The following SLC8A1 variants were observed in gnomAD, a reference collection of about 807,000 sequenced individuals.
The protein encoded by SLC8A1 is sodium/calcium exchanger 1.
SLC8A1 carries 18 observed loss-of-function variants against 68.3 expected under a neutral mutation model. The observed-to-expected ratio is 0.26, with a 90% CI of 0.18 to 0.39. The LOEUF (loss-of-function observed/expected upper bound fraction) is 0.39. Among genes scored for constraint, SLC8A1 ranks in the 10% least tolerant of loss-of-function variants. The probability of loss-of-function intolerance (pLI) is 1.00; values close to 1 mark genes in which losing one functional copy is unlikely to be tolerated. For synonymous variants in SLC8A1, 475 were observed against 415.5 expected (o/e 1.14, Z -1.74); for missense variants, 985 against 1,156.7 (o/e 0.85, Z 2.15).
chr2:40,466,294 CA>C (rs1223055556), intron 1 of SLC8A1, among the ~76,000 whole-genome samples: 2 of 152,036 alleles, frequency 1.3e-5, no homozygotes, highest in African/African-American at 4.8e-5. Flanking sequence ...AGGACTAAGT[CA>C]ATTTCAAAAA....
intron 2 of SLC8A1, among the ~76,000 whole-genome samples, chr2:40,323,886 T>A (rs2075503850): frequency 6.6e-6 from 1 of 152,096 alleles, no homozygotes; most frequent in African/African-American, 2.4e-5. Flanking sequence ...GAGAAAGGTG[T>A]TTCAGGAGTT....
intron 2 of SLC8A1, among the ~76,000 whole-genome samples, chr2:40,225,731 G>A (rs931362133): frequency 2.0e-5 from 3 of 152,158 alleles, no homozygotes; most frequent in Admixed American, 6.5e-5. Context: ...GGCTGATGGA[G>A]ACAGATGGGG....
chr2:40,331,136 T>C, intron 2 of SLC8A1, among the ~76,000 whole-genome samples: 1 of 152,204 alleles, frequency 6.6e-6, no homozygotes, highest in East Asian at 1.9e-4. Context: ...GGTGATATTA[T>C]CTATGGTATG....
intron 2 of SLC8A1, among the ~76,000 whole-genome samples, chr2:40,294,910 T>C (rs960267362): frequency 5.3e-5 from 8 of 152,254 alleles, no homozygotes; most frequent in African/African-American, 9.6e-5. Flanking sequence ...ATGTAGCACA[T>C]ATAAAGTTCT....
intron 2 of SLC8A1, among the ~76,000 whole-genome samples, chr2:40,258,698 C>G (rs1196985858): frequency 6.6e-6 from 1 of 151,980 alleles, no homozygotes; most frequent in Non-Finnish European, 1.5e-5. Flanking sequence ...AAAAATTAGC[C>G]AGGTGTGGCG....
At chr2:40,266,346 A>G (rs148084584) in intron 2 of SLC8A1, among the ~76,000 whole-genome samples, 10 of 152,264 alleles carry the variant, frequency 6.6e-5, no homozygotes, top group Admixed American at 6.5e-4. Context: ...TTTTATGACT[A>G]GCTATATCAC....
intron 2 of SLC8A1, among the ~76,000 whole-genome samples, chr2:40,364,477 A>G (rs974333629): frequency 7.4e-5 from 11 of 148,922 alleles, no homozygotes; most frequent in Non-Finnish European, 1.5e-4. Context: ...GAAGATTTCT[A>G]TGAAAACTTT....
intron 2 of SLC8A1, among the ~76,000 whole-genome samples, chr2:40,278,034 A>G (rs1447610393): frequency 6.6e-6 from 1 of 152,068 alleles, no homozygotes; most frequent in Non-Finnish European, 1.5e-5. Flanking sequence ...ATCTGTAGGT[A>G]TCTCAGTATT....
At chr2:40,336,348 G>A (rs1436489226) in intron 2 of SLC8A1, among the ~76,000 whole-genome samples, 2 of 152,102 alleles carry the variant, frequency 1.3e-5, no homozygotes, top group Admixed American at 6.6e-5. Flanking sequence ...AATGAATAAG[G>A]ATTTAACCAA....
chr2:40,327,832 T>C (rs2076008748), intron 2 of SLC8A1, among the ~76,000 whole-genome samples: 2 of 152,048 alleles, frequency 1.3e-5, no homozygotes, highest in Non-Finnish European at 2.9e-5. Flanking sequence ...GGATCAGTCA[T>C]ACCCCAAACC....
At position 40,268,540 on chromosome 2, in the gene SLC8A1, T is replaced by C. The variant is rs1574935939; in HGVS notation, c.1809-90685A>G. Among the ~76,000 whole-genome samples the C allele has an allele frequency of 3.9e-5, 6 of 152,196 alleles. No individual in the cohort carries two copies. The East Asian group carries it at 9.6e-4, about 24-fold the overall frequency. On this transcript the variant is annotated intron_variant, in intron 2 of 7. Transcript: ENST00000406785. ...CCTTGGTACCCCCCATTAATGTTAA[T>C]AGGAATCATGTGGATAATTCTCTAT...
intron 2 of SLC8A1, among the ~76,000 whole-genome samples, chr2:40,281,832 A>G (rs1200279493): frequency 6.6e-6 from 1 of 152,122 alleles, no homozygotes; most frequent in East Asian, 1.9e-4. Context: ...ATAAAGGTAA[A>G]TGTTCCCTGA....
At chr2:40,458,836 T>C (rs755735672) in intron 1 of SLC8A1, among the ~76,000 whole-genome samples, 10 of 152,234 alleles carry the variant, frequency 6.6e-5, no homozygotes, top group Non-Finnish European at 1.2e-4. Flanking sequence ...ATGGGGTTTA[T>C]AAGCATTATT....
exon 8 of SLC8A1, chr2:40,103,955 A>G (rs771281416): frequency 6.6e-6 from 1 of 152,242 alleles, no homozygotes; most frequent in Non-Finnish European, 1.5e-5. Context: ...AACACTGACC[A>G]TACGGGGCTT....
intron 1 of SLC8A1, among the ~76,000 whole-genome samples, chr2:40,511,393 T>G (rs1039564379): frequency 1.3e-5 from 2 of 152,206 alleles, no homozygotes; most frequent in Admixed American, 6.6e-5. Flanking sequence ...TGCTAACAAT[T>G]TTAACAGATA....
At position 40,365,002 on chromosome 2, in the gene SLC8A1, T is replaced by G. The variant is rs866665749; in HGVS notation, c.1808+63471A>C. Among the ~76,000 whole-genome samples, 45 of 152,190 alleles carry G rather than the reference T, an allele frequency of 3.0e-4. 1 individual carries two copies. Among genetic ancestry groups the G allele is most frequent in the Admixed American group, 1.2e-3 (19 of 15,246 alleles). On this transcript the variant is annotated intron_variant, in intron 2 of 7. Coordinates refer to ENST00000406785, the Ensembl canonical transcript of SLC8A1. ...CTAATCAAGAAATCAAGTAAAGAAC[T>G]GAGTTATTTTATGGTATTATTGTAT...
Position 40,472,670 on chromosome 2 carries a change from A to C in SLC8A1, c.-25+39679T>G, listed in dbSNP as rs116490589. 5.4e-3 allele frequency among the ~76,000 whole-genome samples: 817 copies of C among 152,280 alleles called. 6 individuals carry two copies. The highest frequency in any genetic ancestry group is 0.019 in the African/African-American group (788 of 41,558). On this transcript the variant is annotated intron_variant, in intron 1 of 7. Coordinates refer to the SLC8A1 transcript ENST00000402441. Reference sequence around the variant, plus strand: ...GGTGGGAACTACCATGCCCAGCCCAAATGTGTTTTCAACACCTACCATGGC... The same window carrying C: ...GGTGGGAACTACCATGCCCAGCCCACATGTGTTTTCAACACCTACCATGGC...
chr2:40,258,052 T>G lies in SLC8A1; in HGVS notation c.1809-80197A>C, dbSNP rs377212011. Among the ~76,000 whole-genome samples, 18 of 152,284 alleles carry G rather than the reference T, an allele frequency of 1.2e-4. No individual in the cohort carries two copies. The South Asian group carries it at 3.5e-3, about 30-fold the overall frequency. ...GCTGACAATAATTAAGCAAACAGAA[T>G]GCCAAACAATTGTAAGAAAAGCTGT... On this transcript the variant is annotated intron_variant, in intron 2 of 7. Transcript: ENST00000406785.
At chr2:40,190,453 T>C (rs761570999) in intron 2 of SLC8A1, 3 of 152,218 alleles carry the variant, frequency 2.0e-5, no homozygotes, top group Non-Finnish European at 2.9e-5. Flanking sequence ...GCCATTATCC[T>C]AGTGTTTTTC....
Sources: allele counts gnomAD v4.1 joint callset (sites outside exome capture counted in the v4.1 genomes callset), GRCh38; gene constraint gnomAD v4.1.1; transcripts MANE v1.5; gene names NCBI Gene and HGNC (gene_info 2026-07-23, HGNC 2026-07-21).